KCTD16: variants seen among roughly 807,000 people sequenced by gnomAD.
The protein encoded by KCTD16 is BTB/POZ domain-containing protein KCTD16.
Under a neutral mutation model 33.2 loss-of-function variants are expected in KCTD16, and 13 were observed. That is an observed-to-expected ratio of 0.39 (90% confidence interval 0.25 to 0.62). The LOEUF (loss-of-function observed/expected upper bound fraction) is 0.62, where lower values mean the gene tolerates loss of function less well. Among genes scored for constraint, KCTD16 ranks in the 20% least tolerant of loss-of-function variants. KCTD16 has a pLI of 0.50. For synonymous variants in KCTD16, 197 were observed against 195.3 expected, an observed-to-expected ratio of 1.01 and a Z score of -0.07; for missense variants, 441 against 525.1, an observed-to-expected ratio of 0.84 and a Z score of 1.57.
intron 3 of KCTD16, among the ~76,000 whole-genome samples, chr5:144,328,174 G>A (rs1752259197): frequency 6.6e-6 from 1 of 152,140 alleles, no homozygotes; most frequent in African/African-American, 2.4e-5. Context: ...TTAGAAAGGA[G>A]AAATAAAGAA....
intron 3 of KCTD16, among the ~76,000 whole-genome samples, chr5:144,242,177 A>G (rs1474374750): frequency 6.6e-6 from 1 of 151,698 alleles, no homozygotes; most frequent in Non-Finnish European, 1.5e-5. Context: ...TTAAAGCAAG[A>G]CACATTGTTT....
chr5:144,193,638 G>C (rs898904473), intron 2 of KCTD16, among the ~76,000 whole-genome samples: 21 of 152,226 alleles, frequency 1.4e-4, no homozygotes, highest in African/African-American at 4.1e-4. Context: ...TATAATGGAA[G>C]TTCCATGATG....
chr5:144,207,775 C>CA (rs1267692209), intron 3 of KCTD16, among the ~76,000 whole-genome samples: 1 of 152,128 alleles, frequency 6.6e-6, no homozygotes, highest in Non-Finnish European at 1.5e-5. Context: ...TAATAAAATG[C>CA]AAATGATATT....
rs529692215 is a variant in KCTD16 at position 144,347,380 on chromosome 5, A to G, written c.833-126280A>G. 1.4e-3 allele frequency among the ~76,000 whole-genome samples: 220 copies of G among 152,306 alleles called. 1 individual carries two copies. The highest frequency in any genetic ancestry group is 5.0e-3 in the African/African-American group (208 of 41,568). On this transcript the variant is annotated intron_variant, in intron 3 of 3. Coordinates refer to ENST00000512467, the MANE Select transcript of KCTD16 (RefSeq NM_020768.4). ...GAGGCTGAGTCGGGAGGATCACCTG[A>G]GGTCAGGAGTTCGAGACCCGCCTGG...
intron 3 of KCTD16, among the ~76,000 whole-genome samples, chr5:144,405,162 C>T (rs370833473): frequency 7.9e-5 from 12 of 152,310 alleles, no homozygotes; most frequent in East Asian, 5.8e-4. Context: ...AACTTTCTAA[C>T]TCCAAAGGCT....
chr5:144,443,635 T>A (rs1753760329), intron 3 of KCTD16, among the ~76,000 whole-genome samples: 1 of 152,122 alleles, frequency 6.6e-6, no homozygotes, highest in Non-Finnish European at 1.5e-5. Context: ...ATCCTCCATA[T>A]GTGACAAGTT....
At chr5:144,271,132 T>C (rs967572839) in intron 3 of KCTD16, among the ~76,000 whole-genome samples, 10 of 151,944 alleles carry the variant, frequency 6.6e-5, no homozygotes, top group Admixed American at 2.6e-4. Context: ...TTCCAAAAAA[T>C]ACTGAAGAGG....
chr5:144,174,600 C>T (rs1279195277), intron 2 of KCTD16, 128 bp downstream of exon 2: 3 of 152,172 alleles, frequency 2.0e-5, no homozygotes, highest in Non-Finnish European at 4.4e-5. Context: ...CATCAAGTCT[C>T]CTGTACTAGG....
At chr5:144,473,621 G>GC in intron 3 of KCTD16, 39 bp from the exon 4 acceptor site, 1 of 1,539,306 alleles carries the variant, frequency 6.5e-7, no homozygotes, top group East Asian at 2.3e-5. Flanking sequence ...AACTGACCTG[G>GC]CTGGCATTAA....
intron 3 of KCTD16, among the ~76,000 whole-genome samples, chr5:144,429,007 A>T (rs1753397075): frequency 6.6e-6 from 1 of 152,108 alleles, no homozygotes; most frequent in Non-Finnish European, 1.5e-5. Context: ...GCTGCTTCCT[A>T]CCTGCTGATA....
intron 2 of KCTD16, among the ~76,000 whole-genome samples, chr5:144,186,527 A>T (rs1000660214): frequency 6.6e-6 from 1 of 152,196 alleles, no homozygotes; most frequent in Admixed American, 6.5e-5. Context: ...CTAGATTTGT[A>T]GTTTTAAAAA....
At chr5:144,201,881 G>C (rs1753051046) in intron 2 of KCTD16, among the ~76,000 whole-genome samples, 1 of 152,238 alleles carries the variant, frequency 6.6e-6, no homozygotes, top group Admixed American at 6.5e-5. Context: ...AGCGAAGGCT[G>C]TCAGCATGAA....
chr5:144,458,987 A>C (rs143600843), intron 3 of KCTD16, among the ~76,000 whole-genome samples: 73 of 152,318 alleles, frequency 4.8e-4, no homozygotes, highest in African/African-American at 1.6e-3. Flanking sequence ...CTGATTGTAG[A>C]ATTAAACTCC....
chr5:144,241,138 G>C (rs765264906), intron 3 of KCTD16, among the ~76,000 whole-genome samples: 1 of 152,024 alleles, frequency 6.6e-6, no homozygotes, highest in African/African-American at 2.4e-5. Context: ...AAACTCACTC[G>C]AAGTGTCTTG....
At chr5:144,207,589 C>T (rs1753227423) in intron 3 of KCTD16, 43 bp downstream of exon 3, 1 of 1,378,832 alleles carries the variant, frequency 7.3e-7, no homozygotes. Context: ...TGTGTCAATG[C>T]TCTTCACAAA....
intron 3 of KCTD16, among the ~76,000 whole-genome samples, chr5:144,305,820 A>T (rs917962495): frequency 3.3e-5 from 5 of 152,138 alleles, no homozygotes; most frequent in Non-Finnish European, 7.3e-5. Flanking sequence ...TTCAAAAAAT[A>T]AAAATAAAAA....
intron 3 of KCTD16, among the ~76,000 whole-genome samples, chr5:144,413,763 G>A (rs1752984793): frequency 6.6e-6 from 1 of 152,138 alleles, no homozygotes; most frequent in South Asian, 2.1e-4. Context: ...GCATACTCTG[G>A]AATGAATACA....
intron 3 of KCTD16, among the ~76,000 whole-genome samples, chr5:144,463,123 A>T (rs1007035585): frequency 1.3e-5 from 2 of 152,184 alleles, no homozygotes; most frequent in Non-Finnish European, 2.9e-5. Context: ...AGACTTTTAT[A>T]TTATGGACTT....
At chr5:144,273,986 A>G (rs1012529445) in intron 3 of KCTD16, among the ~76,000 whole-genome samples, 1 of 150,094 alleles carries the variant, frequency 6.7e-6, no homozygotes, top group African/African-American at 2.4e-5. Context: ...AAAATATAAT[A>G]ATATTTTTAT....
Sources: allele counts gnomAD v4.1 joint callset (sites outside exome capture counted in the v4.1 genomes callset), GRCh38; gene constraint gnomAD v4.1.1; transcripts MANE v1.5; gene names NCBI Gene and HGNC (gene_info 2026-07-23, HGNC 2026-07-21).